The following LCN15 variants were observed in gnomAD, a reference collection of about 807,000 sequenced individuals.
LCN15 encodes lipocalin-15.
A neutral mutation model predicts 23.1 loss-of-function variants in LCN15; 26 were observed. The observed-to-expected ratio is 1.13, with a 90% confidence interval of 0.82 to 1.56. The LOEUF is 1.56. Ranked by LOEUF, LCN15 falls within the 40% of genes most tolerant of loss-of-function variation. The pLI, the probability that LCN15 is intolerant of heterozygous loss-of-function variation, is 0.00. For missense variants in LCN15, 241 were observed against 239.5 expected (o/e 1.01, Z -0.04); for synonymous variants, 107 against 98.3 (o/e 1.09, Z -0.52).
In LCN15 at chr9:136,761,877, A is replaced by G; in HGVS notation, c.521-24T>C. ...ATCTGTGGGGAGGAAGACATCCGTG[A>G]GATGCTGACGGCCAGGACCGCCCTC... On this transcript the variant is annotated intron_variant, in intron 5 of 6. Coordinates refer to ENST00000316144, the MANE Select transcript of LCN15 (RefSeq NM_203347.2). The surrounding 1 kb of genome is among the most constrained non-coding windows in gnomAD (Gnocchi z 4.2). 7.5e-7 allele frequency: 1 copy of G among 1,335,190 alleles called. No homozygotes were observed. Among genetic ancestry groups the G allele is most frequent in the Non-Finnish European group, 9.6e-7 (1 of 1,041,996 alleles). The allele number at this position is 1,335,190 out of a possible 1,614,324, so 82.7% of individuals were successfully genotyped here.
At chr9:136,762,152 T>TG (rs757805416) in intron 5 of LCN15, 36 bp downstream of exon 5, 2 of 1,022,490 alleles carry the variant, frequency 2.0e-6, no homozygotes, top group African/African-American at 2.1e-5. Context: ...AGGGAGAGGC[T>TG]GGGGGGCATG....
chr9:136,763,961 A>G lies in LCN15; in HGVS notation c.145T>C (p.Phe49Leu), dbSNP rs772432741. 1 of 1,613,532 alleles carries G rather than the reference A, an allele frequency of 6.2e-7. No homozygotes were observed. The highest frequency in any genetic ancestry group is 1.7e-5 in the Admixed American group (1 of 60,020). ...VVSMASDCRV[F>L]LGKKDHLSMS... ...GACAGGTGGTCCTTCTTGCCCAGGA[A>G]GACCCTGCAGTCAGATGCCATGGAG... Residue 49 changes from phenylalanine to leucine, a missense_variant, in exon 2 of 7, where the codon TTC becomes CTC. Phe to Leu is a conservative substitution (Grantham distance 22). Transcript: ENST00000316144.
chr9:136,763,256 G>T (rs532649133), intron 4 of LCN15, 101 bp downstream of exon 4: 4 of 655,472 alleles, frequency 6.1e-6, no homozygotes, highest in South Asian at 6.0e-5. Context: ...GTGAGGAGGC[G>T]CGGGGCGGCA....
In LCN15 at chr9:136,763,384, C is replaced by A; in HGVS notation, c.391G>T (p.Ala131Ser). 1.9e-6 allele frequency: 3 copies of A among 1,600,974 alleles called. No homozygotes were observed. The highest frequency in any genetic ancestry group is 2.6e-6 in the Non-Finnish European group (3 of 1,173,984). The change falls in exon 4 of 7, where the codon GCC becomes TCC. Residue 131 changes from alanine to serine, a missense_variant. Ala to Ser is a moderately conservative substitution (Grantham distance 99, BLOSUM62 1). Transcript: ENST00000316144. ...VLYIYKELEG[A>S]LSTMVQLYSR... is the part of the protein sequence containing the mutation. ...TAGAGCTGCACCATGGTGCTGAGGG[C>A]CCCCTCCAGCTCCTTGTAGATGTAA...
chr9:136,761,898 C>T lies in LCN15; in HGVS notation c.521-45G>A, dbSNP rs1847321669. The T allele has an allele frequency of 1.5e-6, 2 of 1,319,466 alleles. No homozygotes were observed. The highest frequency in any genetic ancestry group is 2.4e-4 in the Middle Eastern group (1 of 4,246). 81.7% of individuals were successfully genotyped at this position (1,319,466 alleles called of 1,614,324 possible). ...CGTGAGATGCTGACGGCCAGGACCG[C>T]CCTCGCTTCCCGCAGCCCCCAACCC... On this transcript the variant is annotated intron_variant, in intron 5 of 6. Coordinates refer to ENST00000316144, the MANE Select transcript of LCN15 (RefSeq NM_203347.2). This position sits in a 1 kb window ranked among gnomAD's most constrained non-coding sequence, Gnocchi z 4.2.
Position 136,761,692 on chromosome 9 carries a change from C to G in LCN15, c.*32+95G>C. On this transcript the variant is annotated intron_variant, in intron 6 of 6. Transcript: ENST00000316144. This position sits in a 1 kb window ranked among gnomAD's most constrained non-coding sequence, Gnocchi z 4.2. ...AGCATGGGGTCGCCAGGCAGAACAG[C>G]GGGGCAGGCATGGGGCAGACAGAAC... is the stretch of plus-strand genomic sequence containing the variant. The G allele has an allele frequency of 1.9e-6, 1 of 521,594 alleles. No homozygotes were observed. The highest frequency in any genetic ancestry group is 3.0e-6 in the Non-Finnish European group (1 of 335,860). 32.3% of individuals were successfully genotyped at this position (521,594 alleles called of 1,614,324 possible).
chr9:136,763,659 A>C, intron 3 of LCN15, 54 bp downstream of exon 3: 2 of 1,587,418 alleles, frequency 1.3e-6, no homozygotes, highest in South Asian at 2.2e-5. Context: ...GCCCCACGTC[A>C]CCCCCAGAGA....
intron 5 of LCN15, among the ~76,000 whole-genome samples, 153 bp downstream of exon 5, chr9:136,762,035 G>A (rs1847323498): frequency 6.6e-6 from 1 of 152,176 alleles, no homozygotes; most frequent in African/African-American, 2.4e-5. Context: ...GGGGAGGTGG[G>A]GTAGGGGCTG....
intron 6 of LCN15, among the ~76,000 whole-genome samples, chr9:136,760,892 C>T (rs888297058): frequency 7.9e-5 from 12 of 152,230 alleles, no homozygotes; most frequent in Admixed American, 5.2e-4. Context: ...TATTTGGAAA[C>T]GGTCTTTGCA....
rs75013789 is a variant in LCN15, at chr9:136,763,926, G to A, written c.180C>T (p.Thr60=). The A allele has an allele frequency of 6.8e-6, 11 of 1,613,686 alleles. No individual in the cohort carries two copies. The highest frequency in any genetic ancestry group is 8.5e-6 in the Non-Finnish European group (10 of 1,179,978). The change falls in exon 2 of 7, where the codon ACC becomes ACT. Residue 60 remains threonine, a synonymous_variant. Coordinates refer to ENST00000316144, the MANE Select transcript of LCN15 (RefSeq NM_203347.2). The part of the protein sequence containing the change: ...LGKKDHLSMS[T]RAIRPTEEGG... ...CCTCCTCTGTGGGCCTGATGGCCCT[G>A]GTGGACATGGACAGGTGGTCCTTCT...
At position 136,761,421 on chromosome 9, in the gene LCN15, C is replaced by G. The variant is rs1432606122; in HGVS notation, c.*32+366G>C. Among the ~76,000 whole-genome samples, 1 of 152,136 alleles carries G rather than the reference C, an allele frequency of 6.6e-6. No individual in the cohort carries two copies. Among genetic ancestry groups the G allele is most frequent in the African/African-American group, 2.4e-5 (1 of 41,432 alleles). ...GATTACAGGTGTGCACCACCACGCC[C>G]AGCTAAGTTTTGTATTTTTAGTAGA... On this transcript the variant is annotated intron_variant, in intron 6 of 6. Coordinates refer to ENST00000316144, the MANE Select transcript of LCN15 (RefSeq NM_203347.2). The surrounding 1 kb of genome is among the most constrained non-coding windows in gnomAD (Gnocchi z 4.2).
chr9:136,760,021 G>A (rs1412608052), intron 6 of LCN15, among the ~76,000 whole-genome samples: 3 of 152,212 alleles, frequency 2.0e-5, no homozygotes, highest in Non-Finnish European at 4.4e-5. Flanking sequence ...TCCCCGGCGC[G>A]GGAGGACCCA....
At chr9:136,763,516 G>A (rs749084588) in intron 3 of LCN15, 49 bp from the exon 4 acceptor site, 42 of 1,388,458 alleles carry the variant, frequency 3.0e-5, no homozygotes, top group Admixed American at 2.0e-4. Flanking sequence ...GGATGGGCCC[G>A]GGCACCGACC....
intron 2 of LCN15, 41 bp from the exon 3 acceptor site, chr9:136,763,824 C>G (rs753401676): frequency 1.1e-5 from 18 of 1,613,376 alleles, no homozygotes; most frequent in Non-Finnish European, 1.4e-5. Flanking sequence ...ACCCAGCTAC[C>G]TCAGCTCCCC....
chr9:136,763,221 G>A (rs560512494), intron 4 of LCN15, 136 bp downstream of exon 4: 52 of 574,708 alleles, frequency 9.0e-5, no homozygotes, highest in Admixed American at 8.7e-4. Context: ...AAAAGGCGGG[G>A]GGCGGAGGGG....
chr9:136,759,666 G>A lies in LCN15; in HGVS notation c.*150C>T, dbSNP rs939133170. On this transcript the variant is annotated 3_prime_UTR_variant, in exon 7 of 7. Transcript: ENST00000316144. ...GCAGCATCTGTTTATTGAATAGAAAGAGACGTCCCACAAGGCATCCCACAG... is the reference window on the plus strand; with the variant it reads ...GCAGCATCTGTTTATTGAATAGAAAAAGACGTCCCACAAGGCATCCCACAG... 6.6e-6 allele frequency: 1 copy of A among 152,312 alleles called. No individual in the cohort carries two copies. The highest frequency in any genetic ancestry group is 6.5e-5 in the Admixed American group (1 of 15,284). The allele number at this position is 152,312 out of a possible 1,614,324, so 9.4% of individuals were successfully genotyped here. A position where few individuals can be genotyped will look rare whatever the true frequency, so the allele number is the denominator to read the frequency against.
chr9:136,763,997 A>T lies in LCN15; in HGVS notation c.109T>A (p.Trp37Arg). ...DFNAEKFSGL[W>R]YVVSMASDCR... ...TCAGATGCCATGGAGACCACGTACC[A>T]GAGGCCTGAGAACTGCCGGGGGCTT... The change falls in exon 2 of 7, where the codon TGG becomes AGG. Residue 37 changes from tryptophan to arginine, a missense_variant. Trp to Arg is a moderately radical substitution (Grantham distance 101, BLOSUM62 -3). Transcript: ENST00000316144. 3.1e-6 allele frequency: 5 copies of T among 1,613,028 alleles called. No individual in the cohort carries two copies. Among genetic ancestry groups the T allele is most frequent in the Non-Finnish European group, 4.2e-6 (5 of 1,179,890 alleles).
At chr9:136,763,172 C>T (rs1167217843) in intron 4 of LCN15, among the ~76,000 whole-genome samples, 185 bp downstream of exon 4, 1 of 145,082 alleles carries the variant, frequency 6.9e-6, no homozygotes. Context: ...CCAGAAGGGG[C>T]GGGCCCGGGG....
At chr9:136,760,905 TACC>T (rs1246698957) in intron 6 of LCN15, among the ~76,000 whole-genome samples, 1 of 152,232 alleles carries the variant, frequency 6.6e-6, no homozygotes, top group East Asian at 1.9e-4. Context: ...TCTTTGCAGA[TACC>T]ACTAGTTTAG....
Sources: gnomAD v4.1 joint callset for allele counts (sites outside exome capture counted in the v4.1 genomes callset) on GRCh38, gnomAD v4.1.1 for gene constraint, Gnocchi (gnomAD v3.1) non-coding constraint, MANE v1.5 for transcripts, NCBI Gene and HGNC (gene_info 2026-07-23, HGNC 2026-07-21) for gene names.